The following CSMD1 variants were observed in gnomAD, a reference collection of about 807,000 sequenced individuals.
The protein encoded by CSMD1 is CUB and Sushi multiple domains 1.
In CSMD1, 213 loss-of-function variants were observed where a neutral mutation model predicts 417.5. The ratio of observed to expected loss-of-function variants is 0.51; its 90% CI spans 0.46 to 0.57. The LOEUF is 0.57. CSMD1 is among the 20% of genes least tolerant of loss of function. The probability of loss-of-function intolerance (pLI) is 0.00; values close to 1 mark genes in which losing one functional copy is unlikely to be tolerated. For synonymous variants in CSMD1, 2,862 were observed against 1,736.8 expected (o/e 1.65, Z -16.11); for missense variants, 6,923 against 4,529.7 (o/e 1.53, Z -15.17).
chr8:4,336,183 C>T (rs190440754), intron 3 of CSMD1, among the ~76,000 whole-genome samples: 15 of 152,236 alleles, frequency 9.9e-5, no homozygotes, highest in African/African-American at 2.4e-4. Flanking sequence ...TTGCGGTCAG[C>T]GCTGGTTGAC....
intron 2 of CSMD1, among the ~76,000 whole-genome samples, chr8:4,451,443 G>A (rs915207416): frequency 1.3e-5 from 2 of 152,120 alleles, no homozygotes; most frequent in African/African-American, 4.8e-5. Context: ...GGTCAGAAAA[G>A]CTTATCACTC....
intron 1 of CSMD1, among the ~76,000 whole-genome samples, chr8:4,729,269 A>C (rs1009851741): frequency 3.3e-5 from 5 of 152,072 alleles, no homozygotes; most frequent in Non-Finnish European, 2.9e-5. Context: ...AAGAATAAAA[A>C]CCCGATCATT....
chr8:4,158,128 G>C (rs1395810341), intron 3 of CSMD1, among the ~76,000 whole-genome samples: 2 of 148,898 alleles, frequency 1.3e-5, no homozygotes, highest in Non-Finnish European at 1.5e-5. Flanking sequence ...GATCCCTGCA[G>C]TCCCTGAGGT....
At chr8:3,098,506 A>G (rs1459539628) in intron 46 of CSMD1, among the ~76,000 whole-genome samples, 1 of 152,238 alleles carries the variant, frequency 6.6e-6, no homozygotes, top group Non-Finnish European at 1.5e-5. Context: ...CTCTTTAAAT[A>G]ACATATATTT....
chr8:3,945,945 A>T (rs1165991109), intron 5 of CSMD1, among the ~76,000 whole-genome samples: 6 of 152,150 alleles, frequency 3.9e-5, no homozygotes, highest in Non-Finnish European at 8.8e-5. Context: ...GATTATTATT[A>T]CTAATAACTT....
intron 1 of CSMD1, among the ~76,000 whole-genome samples, chr8:4,828,396 G>C (rs987457665): frequency 6.6e-6 from 1 of 152,126 alleles, no homozygotes; most frequent in African/African-American, 2.4e-5. Flanking sequence ...CTTTGCTGTA[G>C]TTATTTGATG....
intron 6 of CSMD1, among the ~76,000 whole-genome samples, chr8:3,712,442 CAGAG>C (rs59274858): frequency 0.3 from 24,021 of 79,540 alleles, 2,754 homozygotes; most frequent in African/African-American, 0.43. Context: ...GACAGACAGA[CAGAG>C]AGAGAGAGAA....
chr8:4,039,868 G>A (rs186066715), intron 3 of CSMD1, among the ~76,000 whole-genome samples: 5 of 152,302 alleles, frequency 3.3e-5, no homozygotes, highest in Admixed American at 3.3e-4. Flanking sequence ...ATTTTGTAAT[G>A]TTGGACAAAT....
intron 1 of CSMD1, among the ~76,000 whole-genome samples, chr8:4,878,547 C>T (rs1270700597): frequency 1.3e-5 from 2 of 151,644 alleles, no homozygotes; most frequent in Non-Finnish European, 2.9e-5. Context: ...TCTTGTACAA[C>T]CCCCAAAAGT....
At chr8:3,359,652 T>C (rs768786810) in intron 20 of CSMD1, among the ~76,000 whole-genome samples, 3 of 151,958 alleles carry the variant, frequency 2.0e-5, no homozygotes, top group Non-Finnish European at 4.4e-5. Flanking sequence ...AAGGATACAG[T>C]TAGAAGGAAT....
intron 2 of CSMD1, among the ~76,000 whole-genome samples, chr8:4,597,997 T>C (rs1259368442): frequency 6.6e-6 from 1 of 151,426 alleles, no homozygotes; most frequent in Non-Finnish European, 1.5e-5. Context: ...ATATAAATTA[T>C]ATATAAAATA....
At chr8:4,083,753 G>C (rs994129177) in intron 3 of CSMD1, among the ~76,000 whole-genome samples, 3 of 152,236 alleles carry the variant, frequency 2.0e-5, no homozygotes, top group Non-Finnish European at 2.9e-5. Flanking sequence ...AGAAAACCTA[G>C]GCATTACCAT....
intron 1 of CSMD1, among the ~76,000 whole-genome samples, chr8:4,894,271 T>C (rs928890213): frequency 1.6e-4 from 24 of 152,234 alleles, no homozygotes; most frequent in African/African-American, 5.8e-4. Flanking sequence ...TCAAGTCTTT[T>C]GTTTTGCTTT....
At chr8:4,684,599 C>A (rs76162033) in intron 1 of CSMD1, among the ~76,000 whole-genome samples, 1 of 152,138 alleles carries the variant, frequency 6.6e-6, no homozygotes, top group Admixed American at 6.5e-5. Flanking sequence ...GTTAGCCTGT[C>A]TGAACCCTCT....
At chr8:4,548,163 G>A (rs561785364) in intron 2 of CSMD1, among the ~76,000 whole-genome samples, 1 of 152,136 alleles carries the variant, frequency 6.6e-6, no homozygotes, top group Non-Finnish European at 1.5e-5. Context: ...TAGGATTGGA[G>A]ACTCCTACAA....
intron 8 of CSMD1, among the ~76,000 whole-genome samples, chr8:3,593,333 G>A (rs560739216): frequency 4.1e-4 from 62 of 152,294 alleles, no homozygotes; most frequent in Middle Eastern, 3.4e-3. Context: ...TGTGTCTCCT[G>A]GTGCTTCATA....
chr8:4,596,093 G>C (rs974420749), intron 2 of CSMD1, among the ~76,000 whole-genome samples: 1 of 152,074 alleles, frequency 6.6e-6, no homozygotes, highest in Non-Finnish European at 1.5e-5. Flanking sequence ...ACTTCCCTGT[G>C]TGTTACTGCA....
chr8:4,991,073 G>C lies in CSMD1; in HGVS notation c.85+3259C>G, dbSNP rs368185302. Among the ~76,000 whole-genome samples, 47 of 152,260 alleles carry C rather than the reference G, an allele frequency of 3.1e-4. 1 individual carries two copies. In the South Asian group the frequency reaches 8.3e-3, roughly 27 times the overall value. Reference sequence around the variant, plus strand: ...TAGGACGCTTTCTGGGTAAGTAATTGTCTGCAAATACCTGCATTCTCATGG... The same window carrying C: ...TAGGACGCTTTCTGGGTAAGTAATTCTCTGCAAATACCTGCATTCTCATGG... On this transcript the variant is annotated intron_variant, in intron 1 of 69. Transcript: ENST00000635120.
chr8:3,460,391 C>T (rs1410256641), intron 12 of CSMD1, among the ~76,000 whole-genome samples: 1 of 152,148 alleles, frequency 6.6e-6, no homozygotes, highest in Non-Finnish European at 1.5e-5. Flanking sequence ...CTGGAAACCA[C>T]TTTACAGAAT....
Sources: gnomAD v4.1 joint callset for allele counts (sites outside exome capture counted in the v4.1 genomes callset) on GRCh38, gnomAD v4.1.1 for gene constraint, MANE v1.5 for transcripts, NCBI Gene and HGNC (gene_info 2026-07-23, HGNC 2026-07-21) for gene names.